DZANK1: variants seen among roughly 807,000 people sequenced by gnomAD.
The protein encoded by DZANK1 is double zinc ribbon and ankyrin repeat-containing protein 1.
A neutral mutation model predicts 94.5 loss-of-function variants in DZANK1; 91 were observed. That is an observed-to-expected ratio of 0.96 (90% CI 0.81 to 1.15). DZANK1 has a LOEUF of 1.15. DZANK1 is among the 50% of genes most tolerant of loss of function. The probability of loss-of-function intolerance (pLI) is 0.00; values close to 1 mark genes in which losing one functional copy is unlikely to be tolerated. For missense variants in DZANK1, 903 were observed against 916.4 expected (o/e 0.99, Z 0.19); for synonymous variants, 312 against 325.3 (o/e 0.96, Z 0.44).
At chr20:18,463,373 C>T (rs895055069) in intron 2 of DZANK1, among the ~76,000 whole-genome samples, 9 of 152,040 alleles carry the variant, frequency 5.9e-5, no homozygotes, top group Non-Finnish European at 1.2e-4. Context: ...GTGGGGAGGG[C>T]TGAAAACCTA....
At chr20:18,394,551 C>T in intron 15 of DZANK1, 1 of 685,848 alleles carries the variant, frequency 1.5e-6, no homozygotes, top group Non-Finnish European at 2.7e-6. Flanking sequence ...TTACCCGCGG[C>T]TCAGTCTGGC....
At chr20:18,415,719 T>A (rs892917561) in intron 10 of DZANK1, among the ~76,000 whole-genome samples, 4 of 152,148 alleles carry the variant, frequency 2.6e-5, no homozygotes, top group African/African-American at 9.7e-5. Flanking sequence ...TTTTTCAATA[T>A]CTTTAATATC....
At chr20:18,439,625 C>T (rs2089994175) in intron 8 of DZANK1, among the ~76,000 whole-genome samples, 1 of 152,302 alleles carries the variant, frequency 6.6e-6, no homozygotes, top group Admixed American at 6.5e-5. Flanking sequence ...GATCAGGGAA[C>T]TCCTCTAAAT....
In DZANK1 at chr20:18,398,573, G is replaced by A; in HGVS notation, c.1486C>T (p.Gln496Ter). The stretch of plus-strand genomic sequence containing the variant: ...AAGGCCCGGAATTCAGGGTTGTTCT[G>A]AGCATAACACCTGAGGTGAGCAGAG... The change falls in exon 14 of 21, where the codon CAG (glutamine) becomes TAG (stop). Residue 496 changes from glutamine to a stop codon, truncating the protein, a stop_gained. Transcript: ENST00000262547. LOFTEE classifies it high-confidence loss of function. 1 of 1,613,970 alleles carries A rather than the reference G, an allele frequency of 6.2e-7. No individual in the cohort carries two copies. The highest frequency in any genetic ancestry group is 8.5e-7 in the Non-Finnish European group (1 of 1,179,878).
chr20:18,455,844 AG>A lies in DZANK1; in HGVS notation c.264-484del. ...ATGTGGTTAGCTTGGGCTTCCTCACAGTATGGAAGCCTCAGGTAGTCAGACT... is the reference window on the plus strand; with the variant it reads ...ATGTGGTTAGCTTGGGCTTCCTCACATATGGAAGCCTCAGGTAGTCAGACT... On this transcript the variant is annotated intron_variant, in intron 3 of 20. Transcript: ENST00000262547. Among the ~76,000 whole-genome samples, 3 of 152,290 alleles carry A rather than the reference AG, an allele frequency of 2.0e-5. No homozygotes were observed. In the South Asian group the frequency reaches 6.2e-4, roughly 32 times the overall value.
intron 2 of DZANK1, among the ~76,000 whole-genome samples, chr20:18,460,922 C>A (rs1285044773): frequency 6.6e-6 from 1 of 152,090 alleles, no homozygotes; most frequent in Non-Finnish European, 1.5e-5. Context: ...TATTTTACAC[C>A]CATCTTATAG....
intron 4 of DZANK1, chr20:18,454,082 A>C (rs1409418416): frequency 1.8e-6 from 1 of 557,790 alleles, no homozygotes; most frequent in Non-Finnish European, 3.4e-6. Context: ...GGAGCAGCAC[A>C]TGCAGGCAGG....
chr20:18,462,058 T>G (rs1568560374), intron 2 of DZANK1, among the ~76,000 whole-genome samples: 2 of 151,818 alleles, frequency 1.3e-5, no homozygotes, highest in African/African-American at 4.8e-5. Flanking sequence ...TTTCCTAGGT[T>G]AAAAAAAATA....
chr20:18,385,235 T>C lies in DZANK1; in HGVS notation c.2019-145A>G. 3 of 696,292 alleles carry C rather than the reference T, an allele frequency of 4.3e-6. No individual in the cohort carries two copies. The South Asian group carries it at 5.3e-5, about 12-fold the overall frequency. The allele number at this position is 696,292 out of a possible 1,614,324, so 43.1% of individuals were successfully genotyped here. A position where few individuals can be genotyped will look rare whatever the true frequency, so the allele number is the denominator to read the frequency against. On this transcript the variant is annotated intron_variant, in intron 19 of 20. Coordinates refer to ENST00000262547, the Ensembl canonical transcript of DZANK1. ...ACCTCTTGAGTCTCCTCTCTCTGCC[T>C]TTCTCTTGGAGGAATACTGTGATGG... is the stretch of plus-strand genomic sequence containing the variant.
chr20:18,389,626 C>T (rs1007009721), intron 19 of DZANK1, 75 bp downstream of exon 19: 8 of 1,579,514 alleles, frequency 5.1e-6, no homozygotes, highest in South Asian at 1.2e-5. Flanking sequence ...GTGTGTAGAC[C>T]GCTTCTGCTG....
chr20:18,414,457 A>G (rs2057394475), exon 12 of DZANK1: 1 of 1,613,764 alleles, frequency 6.2e-7, no homozygotes, highest in Non-Finnish European at 8.5e-7. Context: ...TCGGGCAGAC[A>G]GGTGATTGCT....
intron 13 of DZANK1, among the ~76,000 whole-genome samples, chr20:18,404,151 C>T (rs892690753): frequency 6.6e-6 from 1 of 151,936 alleles, no homozygotes; most frequent in African/African-American, 2.4e-5. Context: ...TCAACAGCTA[C>T]CATTAGCATT....
intron 6 of DZANK1, among the ~76,000 whole-genome samples, chr20:18,452,188 A>G (rs561046810): frequency 2.6e-5 from 4 of 152,114 alleles, no homozygotes; most frequent in Admixed American, 2.6e-4. Flanking sequence ...ACGTGCAGCC[A>G]TGATTGAGAA....
intron 3 of DZANK1, among the ~76,000 whole-genome samples, chr20:18,457,469 C>A (rs1216972723): frequency 2.0e-5 from 3 of 151,944 alleles, no homozygotes; most frequent in Non-Finnish European, 4.4e-5. Flanking sequence ...ACAGCGAGAC[C>A]CTGTCTCAAA....
At chr20:18,440,498 A>G (rs2058683996) in intron 8 of DZANK1, among the ~76,000 whole-genome samples, 1 of 152,126 alleles carries the variant, frequency 6.6e-6, no homozygotes, top group Non-Finnish European at 1.5e-5. Flanking sequence ...TATTAGTAAA[A>G]TCTTCCTCTT....
At chr20:18,442,761 C>T (rs1323807270) in intron 8 of DZANK1, among the ~76,000 whole-genome samples, 2 of 151,500 alleles carry the variant, frequency 1.3e-5, no homozygotes, top group Non-Finnish European at 2.9e-5. Context: ...ATTCCAAGTC[C>T]AAAAAAAATC....
chr20:18,463,013 T>C (rs1376663432), intron 2 of DZANK1, among the ~76,000 whole-genome samples: 2 of 151,016 alleles, frequency 1.3e-5, no homozygotes, highest in East Asian at 1.9e-4. Context: ...TTACTGGGTA[T>C]GTACCCAAAG....
intron 7 of DZANK1, 123 bp from the exon 8 acceptor site, chr20:18,443,587 C>T: frequency 1.8e-6 from 1 of 562,574 alleles, no homozygotes; most frequent in South Asian, 2.7e-5. Context: ...CTCTCAATGG[C>T]TATGGAACAA....
chr20:18,423,958 A>C (rs1371249233), intron 10 of DZANK1, among the ~76,000 whole-genome samples: 1 of 152,196 alleles, frequency 6.6e-6, no homozygotes, highest in Non-Finnish European at 1.5e-5. Context: ...AAAAAAATAG[A>C]GCAAATGAAT....
Sources: gnomAD v4.1 joint callset for allele counts (sites outside exome capture counted in the v4.1 genomes callset) on GRCh38, gnomAD v4.1.1 for gene constraint, MANE v1.5 for transcripts, NCBI Gene and HGNC (gene_info 2026-07-23, HGNC 2026-07-21) for gene names.